BMX: variants seen among roughly 807,000 people sequenced by gnomAD.
BMX encodes BMX non-receptor tyrosine kinase.
A neutral mutation model predicts 59.2 loss-of-function variants in BMX; 31 were observed. The observed-to-expected ratio is 0.52, with a 90% confidence interval of 0.39 to 0.71. BMX has a LOEUF of 0.71. Ranked by LOEUF, BMX falls within the 30% of genes least tolerant of loss-of-function variation. The probability of loss-of-function intolerance (pLI) is 0.00; values close to 1 mark genes in which losing one functional copy is unlikely to be tolerated. For missense variants in BMX, 474 were observed against 491.7 expected, an observed-to-expected ratio of 0.96 and a Z score of 0.34; for synonymous variants, 185 against 181.0, an observed-to-expected ratio of 1.02 and a Z score of -0.18.
At chrX:15,513,978 T>G (rs1332593982) in intron 4 of BMX, among the ~76,000 whole-genome samples, 1 of 112,189 alleles carries the variant, frequency 8.9e-6, no homozygotes, top group Non-Finnish European at 1.9e-5. Flanking sequence ...TACATAAATG[T>G]AAAGTCCTAT....
rs1424167759 is a variant in BMX, at chrX:15,556,487, T to A, written c.*340T>A. On this transcript the variant is annotated 3_prime_UTR_variant, in exon 19 of 19. Transcript: ENST00000348343. Reference sequence around the variant, plus strand: ...ATTCATTCTTTTCTTTATATTGTCATTGTCACAACAATTAAATATACTACC... The same window carrying A: ...ATTCATTCTTTTCTTTATATTGTCAATGTCACAACAATTAAATATACTACC... 3 of 131,502 alleles carry A rather than the reference T, an allele frequency of 2.3e-5. No homozygotes were observed. Among genetic ancestry groups the A allele is most frequent in the Non-Finnish European group, 4.5e-5 (3 of 66,080 alleles). The allele number at this position is 131,502 out of a possible 1,213,427, so 10.8% of individuals were successfully genotyped here. A position where few individuals can be genotyped will look rare whatever the true frequency, so the allele number is the denominator to read the frequency against.
At chrX:15,528,358 G>A (rs777691315) in intron 9 of BMX, among the ~76,000 whole-genome samples, 7 of 112,017 alleles carry the variant, frequency 6.2e-5, no homozygotes, top group African/African-American at 1.3e-4. Context: ...ATAGAAAATC[G>A]TGTGTTAAGA....
Position 15,516,193 on chromosome X carries a change from G to A in BMX, c.407G>A (p.Ser136Asn). 8.3e-7 allele frequency: 1 copy of A among 1,211,091 alleles called. No individual in the cohort carries two copies. Residue 136 changes from serine to asparagine, a missense_variant, in exon 5 of 19, where the codon AGC becomes AAC. By Grantham distance (46) the Ser-to-Asn change is conservative. Transcript: ENST00000348343. ...VDGKFLCCQQSCKAAPGCTLW... is the reference protein window; with the variant it reads ...VDGKFLCCQQNCKAAPGCTLW... ...GGGAAGTTCCTGTGTTGCCAGCAGA[G>A]CTGTAAAGCAGCCCCAGGATGTACC...
chrX:15,540,945 C>A (rs1185750174), intron 14 of BMX, among the ~76,000 whole-genome samples: 1 of 109,996 alleles, frequency 9.1e-6, no homozygotes, highest in Non-Finnish European at 1.9e-5. Flanking sequence ...AGTAAAGCAG[C>A]AGTTCGGGAG....
At chrX:15,502,819 A>C (rs1923615217) in intron 1 of BMX, among the ~76,000 whole-genome samples, 2 of 111,823 alleles carry the variant, frequency 1.8e-5, no homozygotes, top group African/African-American at 3.3e-5. Flanking sequence ...TTTAGCACGA[A>C]GATAAGCGGG....
chrX:15,509,287 A>T (rs775145355), intron 2 of BMX, 42 bp from the exon 3 acceptor site: 29 of 1,010,932 alleles, frequency 2.9e-5, no homozygotes, highest in East Asian at 2.0e-4. Context: ...GTGCACCATG[A>T]TGTATTGCAG....
chrX:15,536,532 A>T, intron 13 of BMX, 105 bp downstream of exon 13: 4 of 696,729 alleles, frequency 5.7e-6, no homozygotes, highest in Non-Finnish European at 8.4e-6. Flanking sequence ...GAAAGACAGG[A>T]AGGAGGCCTC....
chrX:15,501,135 G>A (rs1366738088), intron 1 of BMX, among the ~76,000 whole-genome samples, 195 bp downstream of exon 1: 2 of 111,837 alleles, frequency 1.8e-5, no homozygotes, highest in Non-Finnish European at 1.9e-5. Context: ...GGAGGCCAAC[G>A]GCTGAAACTG....
intron 12 of BMX, among the ~76,000 whole-genome samples, chrX:15,535,062 G>A (rs1033722980): frequency 3.6e-5 from 4 of 111,779 alleles, no homozygotes; most frequent in African/African-American, 1.3e-4. Context: ...CAAATCCCTA[G>A]AAATGGAATT....
intron 1 of BMX, among the ~76,000 whole-genome samples, chrX:15,506,036 C>T (rs1302492233): frequency 1.8e-5 from 2 of 110,823 alleles, no homozygotes; most frequent in African/African-American, 3.3e-5. Context: ...ACTACAGGTG[C>T]ATGCCACCAT....
At chrX:15,510,128 G>A (rs1453896709) in intron 3 of BMX, among the ~76,000 whole-genome samples, 2 of 111,627 alleles carry the variant, frequency 1.8e-5, no homozygotes, top group Non-Finnish European at 3.8e-5. Flanking sequence ...CCATGCTAAG[G>A]AGTTTTCATT....
chrX:15,518,119 A>C (rs1467184008), intron 6 of BMX, 126 bp downstream of exon 6: 2 of 500,276 alleles, frequency 4.0e-6, no homozygotes, highest in Non-Finnish European at 6.5e-6. Flanking sequence ...AAAAACCATG[A>C]GCTCTAGATA....
At chrX:15,545,161 C>T (rs1277110048) in intron 16 of BMX, among the ~76,000 whole-genome samples, 1 of 112,078 alleles carries the variant, frequency 8.9e-6, no homozygotes, top group African/African-American at 3.2e-5. Flanking sequence ...AGGTCTGCAG[C>T]AACTCAATTC....
At chrX:15,518,426 T>C (rs1483468864) in intron 6 of BMX, among the ~76,000 whole-genome samples, 1 of 111,343 alleles carries the variant, frequency 9.0e-6, no homozygotes, top group Non-Finnish European at 1.9e-5. Context: ...AACAACATAA[T>C]TCTTTCCCTC....
intron 16 of BMX, 125 bp downstream of exon 16, chrX:15,543,260 T>C: frequency 3.7e-6 from 2 of 543,848 alleles, no homozygotes; most frequent in Non-Finnish European, 5.9e-6. Flanking sequence ...GAAACCTAAG[T>C]CCCTCCCATG....
intron 2 of BMX, among the ~76,000 whole-genome samples, chrX:15,508,796 A>G (rs997448168): frequency 8.9e-6 from 1 of 112,078 alleles, no homozygotes; most frequent in African/African-American, 3.2e-5. Flanking sequence ...GGTTGTTCCA[A>G]CTGGGGGATA....
chrX:15,501,569 G>A (rs1329564515), intron 1 of BMX, among the ~76,000 whole-genome samples: 1 of 111,705 alleles, frequency 9.0e-6, no homozygotes, highest in Non-Finnish European at 1.9e-5. Flanking sequence ...CAACTTTGTG[G>A]TCCATGTAAG....
chrX:15,550,065 CT>C (rs1416612335), intron 18 of BMX, 68 bp downstream of exon 18: 16 of 1,121,300 alleles, frequency 1.4e-5, no homozygotes, highest in Non-Finnish European at 1.9e-5. Context: ...TGCATCACCA[CT>C]GGGACAAAGC....
chrX:15,538,614 C>A lies in BMX; in HGVS notation c.1394+1309C>A, dbSNP rs1925494609. On this transcript the variant is annotated intron_variant, in intron 14 of 18. Coordinates refer to ENST00000348343, the MANE Select transcript of BMX (RefSeq NM_203281.3). The stretch of plus-strand genomic sequence containing the variant: ...CCATAAGAAACCTATGAGGGTTGTA[C>A]CATCGTTATCTTAGATTTACAGGAA... 3.6e-5 allele frequency among the ~76,000 whole-genome samples: 4 copies of A among 111,646 alleles called. No homozygotes were observed. The Admixed American group carries it at 3.8e-4, about 11-fold the overall frequency.
Sources: allele counts gnomAD v4.1 joint callset (sites outside exome capture counted in the v4.1 genomes callset), GRCh38; gene constraint gnomAD v4.1.1; transcripts MANE v1.5; gene names NCBI Gene and HGNC (gene_info 2026-07-23, HGNC 2026-07-21).